Variants in NRXN3 observed in about 807,000 individuals in gnomAD.
NRXN3 encodes the protein neurexin III.
A neutral mutation model predicts 137.6 loss-of-function variants in NRXN3; 32 were observed. The ratio of observed to expected loss-of-function variants is 0.23; its 90% CI spans 0.18 to 0.31. NRXN3 has a LOEUF of 0.31. Among genes scored for constraint, NRXN3 ranks in the 10% least tolerant of loss-of-function variants. The pLI is 1.00. For synonymous variants in NRXN3, 798 were observed against 784.5 expected, an observed-to-expected ratio of 1.02 and a Z score of -0.29; for missense variants, 1,574 against 2,062.5, an observed-to-expected ratio of 0.76 and a Z score of 4.59.
intron 15 of NRXN3, among the ~76,000 whole-genome samples, chr14:79,224,914 C>A (rs953061554): frequency 3.9e-5 from 6 of 152,114 alleles, no homozygotes; most frequent in African/African-American, 1.2e-4. Context: ...AGACTGTGAC[C>A]CCCAAAACAG....
At chr14:79,363,054 G>A (rs1369168870) in intron 15 of NRXN3, among the ~76,000 whole-genome samples, 1 of 150,362 alleles carries the variant, frequency 6.7e-6, no homozygotes, top group Non-Finnish European at 1.5e-5. Context: ...CTGGAGTAGT[G>A]CAATGGTGTG....
intron 8 of NRXN3, among the ~76,000 whole-genome samples, chr14:78,731,051 G>A (rs2098512851): frequency 6.6e-6 from 1 of 151,490 alleles, no homozygotes; most frequent in Admixed American, 6.6e-5. Flanking sequence ...TTCTTTTCTT[G>A]CCTGTGATCC....
At chr14:79,002,503 A>G (rs1261792078) in intron 15 of NRXN3, among the ~76,000 whole-genome samples, 1 of 152,180 alleles carries the variant, frequency 6.6e-6, no homozygotes, top group Non-Finnish European at 1.5e-5. Flanking sequence ...TTTGCTGAGA[A>G]TAATGGCTTC....
chr14:79,684,160 T>G (rs1014505599), intron 17 of NRXN3, among the ~76,000 whole-genome samples: 1 of 152,214 alleles, frequency 6.6e-6, no homozygotes, highest in Admixed American at 6.5e-5. Flanking sequence ...GAGTTAAACA[T>G]TTTCTTACCA....
At chr14:79,701,657 G>A (rs2098755093) in intron 19 of NRXN3, among the ~76,000 whole-genome samples, 1 of 152,040 alleles carries the variant, frequency 6.6e-6, no homozygotes, top group Non-Finnish European at 1.5e-5. Flanking sequence ...TGGGTAACTG[G>A]CAGTGTCACT....
intron 15 of NRXN3, among the ~76,000 whole-genome samples, chr14:79,176,190 G>T (rs1260186476): frequency 6.6e-6 from 1 of 152,154 alleles, no homozygotes; most frequent in Non-Finnish European, 1.5e-5. Context: ...TTCTTAACTG[G>T]AAGTTTTGTC....
At chr14:79,197,248 A>G (rs766043811) in intron 15 of NRXN3, among the ~76,000 whole-genome samples, 23 of 152,226 alleles carry the variant, frequency 1.5e-4, no homozygotes, top group Non-Finnish European at 2.5e-4. Context: ...CATGGTAGTC[A>G]GGGGATGAGG....
chr14:79,544,703 A>C (rs2097303216), intron 16 of NRXN3, among the ~76,000 whole-genome samples: 1 of 152,200 alleles, frequency 6.6e-6, no homozygotes, highest in Non-Finnish European at 1.5e-5. Context: ...AAGAGCCTAG[A>C]TCACTCTCCC....
At chr14:78,781,004 G>T (rs2153027711) in intron 8 of NRXN3, among the ~76,000 whole-genome samples, 1 of 152,200 alleles carries the variant, frequency 6.6e-6, no homozygotes, top group South Asian at 2.1e-4. Context: ...TACACTGCTT[G>T]TTATGTGAAA....
At chr14:78,926,334 T>C (rs1047975042) in intron 10 of NRXN3, among the ~76,000 whole-genome samples, 3 of 152,038 alleles carry the variant, frequency 2.0e-5, no homozygotes, top group Admixed American at 1.3e-4. Flanking sequence ...ATGAAAGTTA[T>C]GTGAATGTGG....
At chr14:79,209,266 A>G (rs889665766) in intron 15 of NRXN3, among the ~76,000 whole-genome samples, 8 of 152,050 alleles carry the variant, frequency 5.3e-5, no homozygotes, top group Non-Finnish European at 8.8e-5. Flanking sequence ...ATGAATTGCT[A>G]GTTAGCAACC....
chr14:78,377,794 C>A (rs1221216840), intron 4 of NRXN3, among the ~76,000 whole-genome samples: 1 of 152,136 alleles, frequency 6.6e-6, no homozygotes, highest in African/African-American at 2.4e-5. Context: ...CTCATTTAAC[C>A]TTTTAAAAGA....
intron 19 of NRXN3, among the ~76,000 whole-genome samples, chr14:79,802,192 C>T (rs752757791): frequency 2.0e-5 from 3 of 152,106 alleles, no homozygotes; most frequent in African/African-American, 7.2e-5. Context: ...TGTTCAATGG[C>T]CTTTAAACTT....
intron 4 of NRXN3, among the ~76,000 whole-genome samples, chr14:78,635,870 C>A (rs930324519): frequency 1.3e-5 from 2 of 152,180 alleles, no homozygotes; most frequent in Non-Finnish European, 2.9e-5. Context: ...CTTATATACT[C>A]TGTGTAACTT....
At chr14:78,808,390 G>A (rs1235861817) in intron 9 of NRXN3, among the ~76,000 whole-genome samples, 1 of 152,214 alleles carries the variant, frequency 6.6e-6, no homozygotes, top group African/African-American at 2.4e-5. Context: ...GTTGTTTGCA[G>A]TCCTTGGGTT....
chr14:79,666,041 A>C (rs1376534440), intron 17 of NRXN3, among the ~76,000 whole-genome samples: 1 of 152,090 alleles, frequency 6.6e-6, no homozygotes, highest in East Asian at 1.9e-4. Flanking sequence ...AAGACCTTGA[A>C]ATGTCCTAAG....
At chr14:78,525,640 G>A (rs1223502898) in intron 4 of NRXN3, among the ~76,000 whole-genome samples, 1 of 152,062 alleles carries the variant, frequency 6.6e-6, no homozygotes, top group Non-Finnish European at 1.5e-5. Context: ...TCATCCCATT[G>A]GGAATTCAGA....
intron 20 of NRXN3, among the ~76,000 whole-genome samples, chr14:79,851,883 C>A (rs1180869430): frequency 6.6e-6 from 1 of 152,120 alleles, no homozygotes; most frequent in Non-Finnish European, 1.5e-5. Flanking sequence ...CCTCAAAGCA[C>A]TTCCAATAAA....
Position 79,614,834 on chromosome 14 carries a change from T to A in NRXN3, c.3445-48944T>A, listed in dbSNP as rs549665217. Reference sequence around the variant, plus strand: ...TTTCCTAACTGCCCTATCAGACTGGTCTTGGATAAAGTAAATTCCTTTCCA... The same window carrying A: ...TTTCCTAACTGCCCTATCAGACTGGACTTGGATAAAGTAAATTCCTTTCCA... On this transcript the variant is annotated intron_variant, in intron 16 of 20. Coordinates refer to ENST00000335750, the MANE Select transcript of NRXN3 (RefSeq NM_001330195.2). 3.3e-5 allele frequency among the ~76,000 whole-genome samples: 5 copies of A among 152,332 alleles called. No individual in the cohort carries two copies. The Middle Eastern group carries it at 0.017, about 518-fold the overall frequency.
Sources: gnomAD v4.1 joint callset for allele counts (sites outside exome capture counted in the v4.1 genomes callset) on GRCh38, gnomAD v4.1.1 for gene constraint, MANE v1.5 for transcripts, NCBI Gene and HGNC (gene_info 2026-07-23, HGNC 2026-07-21) for gene names.